The following ADGRB3 variants were observed in gnomAD, a reference collection of about 807,000 sequenced individuals.
The protein encoded by ADGRB3 is brain-specific angiogenesis inhibitor 3.
Under a neutral mutation model 193.4 loss-of-function variants are expected in ADGRB3, and 37 were observed. That is an observed-to-expected ratio of 0.19 (90% CI 0.15 to 0.25). The LOEUF (loss-of-function observed/expected upper bound fraction) is 0.25, where lower values mean the gene tolerates loss of function less well. ADGRB3 is among the 10% of genes least tolerant of loss of function. ADGRB3 has a pLI of 1.00. For synonymous variants in ADGRB3, 690 were observed against 644.2 expected (o/e 1.07, Z -1.08); for missense variants, 1,637 against 1,852.9 (o/e 0.88, Z 2.14).
intron 3 of ADGRB3, among the ~76,000 whole-genome samples, chr6:68,705,806 A>T (rs1030062076): frequency 6.6e-6 from 1 of 152,200 alleles, no homozygotes; most frequent in Non-Finnish European, 1.5e-5. Context: ...GAGTCAGTTC[A>T]AAATACAGCA....
chr6:69,209,424 G>C (rs1174161906), intron 17 of ADGRB3, among the ~76,000 whole-genome samples: 1 of 152,166 alleles, frequency 6.6e-6, no homozygotes, highest in Non-Finnish European at 1.5e-5. Flanking sequence ...GAGGTAGAAG[G>C]TCCCTGAATT....
chr6:69,055,009 G>A (rs1771502772), intron 15 of ADGRB3, among the ~76,000 whole-genome samples: 1 of 152,016 alleles, frequency 6.6e-6, no homozygotes, highest in Admixed American at 6.6e-5. Context: ...AAATGGAAAA[G>A]GACTATAGTA....
intron 17 of ADGRB3, among the ~76,000 whole-genome samples, chr6:69,165,429 G>A (rs1421429956): frequency 5.6e-5 from 8 of 141,772 alleles, no homozygotes; most frequent in Non-Finnish European, 6.0e-5. Context: ...TTTACACCCC[G>A]GCAAAACAAT....
chr6:69,164,458 T>C (rs1038747498), intron 17 of ADGRB3, among the ~76,000 whole-genome samples: 6 of 152,022 alleles, frequency 3.9e-5, no homozygotes, highest in African/African-American at 1.4e-4. Flanking sequence ...TATCCAGACA[T>C]TGGAGTGATT....
At chr6:69,385,131 G>A (rs113792198) in intron 31 of ADGRB3, among the ~76,000 whole-genome samples, 7 of 151,808 alleles carry the variant, frequency 4.6e-5, no homozygotes, top group Non-Finnish European at 1.0e-4. Flanking sequence ...AAAAGAGAAG[G>A]CACTGATATC....
chr6:68,943,894 A>G lies in ADGRB3; in HGVS notation c.1095A>G (p.Gln365=), dbSNP rs1229430567. ...SLCSFTCGRG[Q]RTRTRSCTPP... is the part of the protein sequence containing the mutation. ...GTTCATTTACATGTGGTCGAGGCCAAAGAACAAGAACAAGGTCATGCACAC... is the reference window on the plus strand; with the variant it reads ...GTTCATTTACATGTGGTCGAGGCCAGAGAACAAGAACAAGGTCATGCACAC... The change falls in exon 6 of 32, where the codon CAA becomes CAG. Residue 365 remains glutamine (Q), a synonymous_variant. Transcript: ENST00000370598. The G allele has an allele frequency of 6.2e-7, 1 of 1,613,982 alleles. No homozygotes were observed. Among genetic ancestry groups the G allele is most frequent in the South Asian group, 1.1e-5 (1 of 91,062 alleles).
intron 20 of ADGRB3, among the ~76,000 whole-genome samples, chr6:69,294,237 A>G (rs1767760123): frequency 6.6e-6 from 1 of 151,948 alleles, no homozygotes; most frequent in African/African-American, 2.4e-5. Context: ...CGTTGGATTT[A>G]TCTGAACTAA....
chr6:69,101,756 A>G (rs1364249095), intron 17 of ADGRB3, among the ~76,000 whole-genome samples: 1 of 152,018 alleles, frequency 6.6e-6, no homozygotes, highest in Admixed American at 6.6e-5. Flanking sequence ...ATAGGATAGT[A>G]TCATCCCTGT....
chr6:68,645,157 G>T (rs1384406049), intron 3 of ADGRB3, among the ~76,000 whole-genome samples: 1 of 151,866 alleles, frequency 6.6e-6, no homozygotes, highest in East Asian at 1.9e-4. Flanking sequence ...TTAAAAATAA[G>T]ATTTTGTAAT....
At chr6:68,724,142 T>A (rs1000570181) in intron 3 of ADGRB3, among the ~76,000 whole-genome samples, 1 of 151,594 alleles carries the variant, frequency 6.6e-6, no homozygotes, top group Non-Finnish European at 1.5e-5. Context: ...TTTATACCAT[T>A]GATTTTTAAA....
chr6:69,121,461 CT>C (rs1393492165), intron 17 of ADGRB3, among the ~76,000 whole-genome samples: 2 of 151,974 alleles, frequency 1.3e-5, no homozygotes, highest in African/African-American at 4.8e-5. Flanking sequence ...ATATTTCCCC[CT>C]TTTCTTTTCG....
chr6:69,179,982 G>T (rs1775536870), intron 17 of ADGRB3, among the ~76,000 whole-genome samples: 1 of 152,204 alleles, frequency 6.6e-6, no homozygotes, highest in South Asian at 2.1e-4. Context: ...AGCCAGATGG[G>T]CAGGGCCAGA....
At chr6:69,179,423 G>C (rs879462678) in intron 17 of ADGRB3, among the ~76,000 whole-genome samples, 10 of 152,126 alleles carry the variant, frequency 6.6e-5, no homozygotes, top group Non-Finnish European at 1.5e-4. Context: ...TTTCAACCTT[G>C]TCTTGGATCT....
intron 30 of ADGRB3, among the ~76,000 whole-genome samples, chr6:69,382,007 G>C (rs993710589): frequency 6.6e-6 from 1 of 151,814 alleles, no homozygotes; most frequent in Non-Finnish European, 1.5e-5. Context: ...CTTCGTTAGT[G>C]CTCTTAAATG....
intron 28 of ADGRB3, 73 bp from the exon 29 acceptor site, chr6:69,360,796 G>C (rs1769433350): frequency 7.1e-7 from 1 of 1,416,216 alleles, no homozygotes; most frequent in Non-Finnish European, 9.5e-7. Context: ...TAGAAAGCGA[G>C]ACAACATAAT....
At chr6:69,010,286 T>C (rs1582391466) in intron 11 of ADGRB3, among the ~76,000 whole-genome samples, 2 of 152,030 alleles carry the variant, frequency 1.3e-5, no homozygotes, top group East Asian at 3.9e-4. Context: ...GCTGAACAAA[T>C]TATGTTCCCC....
In ADGRB3 at chr6:68,732,731, C is replaced by T. The variant is rs186232026; in HGVS notation, c.757+93299C>T. The stretch of plus-strand genomic sequence containing the variant: ...GCAGAATCTTTGTGAAACCTGCAGA[C>T]TCCTATCATGATATTGGGATTTCCA... On this transcript the variant is annotated intron_variant, in intron 3 of 31. Coordinates refer to ENST00000370598, the MANE Select transcript of ADGRB3 (RefSeq NM_001704.3). Among the ~76,000 whole-genome samples, 211 of 152,040 alleles carry T rather than the reference C, an allele frequency of 1.4e-3. 4 individuals are homozygous for T. The highest frequency in any genetic ancestry group is 3.4e-3 in the Admixed American group (51 of 15,212).
At chr6:68,804,667 A>G (rs1436332685) in intron 3 of ADGRB3, among the ~76,000 whole-genome samples, 1 of 152,168 alleles carries the variant, frequency 6.6e-6, no homozygotes, top group Non-Finnish European at 1.5e-5. Flanking sequence ...AATGAAAGAA[A>G]TTGAATAAAT....
intron 20 of ADGRB3, among the ~76,000 whole-genome samples, chr6:69,262,682 A>G (rs1766955319): frequency 6.6e-6 from 1 of 151,276 alleles, no homozygotes; most frequent in Admixed American, 6.6e-5. Context: ...ATTTTGAAAG[A>G]GAGAGAGAGA....
Sources: allele counts gnomAD v4.1 joint callset (sites outside exome capture counted in the v4.1 genomes callset), GRCh38; gene constraint gnomAD v4.1.1; transcripts MANE v1.5; gene names NCBI Gene and HGNC (gene_info 2026-07-23, HGNC 2026-07-21).